KIAA0825: variants seen among roughly 807,000 people sequenced by gnomAD.
KIAA0825 encodes KIAA0825.
Under a neutral mutation model 147.6 loss-of-function variants are expected in KIAA0825, and 119 were observed. That is an observed-to-expected ratio of 0.81 (90% CI 0.69 to 0.94). The LOEUF is 0.94. KIAA0825 is among the 40% of genes least tolerant of loss of function. KIAA0825 has a pLI of 0.00. For missense variants in KIAA0825, 1,381 were observed against 1,472.7 expected (o/e 0.94, Z 1.02); for synonymous variants, 470 against 518.1 (o/e 0.91, Z 1.26).
At chr5:94,227,166 G>C (rs1774255521) in intron 20 of KIAA0825, among the ~76,000 whole-genome samples, 1 of 152,162 alleles carries the variant, frequency 6.6e-6, no homozygotes, top group South Asian at 2.1e-4. Context: ...AACAATGATA[G>C]ACTGGATCAA....
At chr5:94,426,214 C>G (rs1754862928) in intron 14 of KIAA0825, among the ~76,000 whole-genome samples, 1 of 151,554 alleles carries the variant, frequency 6.6e-6, no homozygotes, top group Non-Finnish European at 1.5e-5. Context: ...AGATATCTAC[C>G]CAAAGGAAAA....
intron 18 of KIAA0825, among the ~76,000 whole-genome samples, chr5:94,387,558 G>T (rs1443493928): frequency 6.6e-6 from 1 of 152,088 alleles, no homozygotes; most frequent in Non-Finnish European, 1.5e-5. Flanking sequence ...AGCTGAGTGT[G>T]GTGGTGGGCA....
At chr5:94,425,127 A>G (rs1363411921) in intron 14 of KIAA0825, among the ~76,000 whole-genome samples, 1 of 152,226 alleles carries the variant, frequency 6.6e-6, no homozygotes, top group Admixed American at 6.5e-5. Flanking sequence ...TTCTTAACTC[A>G]TTCTATGAGG....
intron 5 of KIAA0825, among the ~76,000 whole-genome samples, chr5:94,512,047 ATGG>A (rs1356076650): frequency 1.3e-5 from 2 of 152,066 alleles, no homozygotes; most frequent in African/African-American, 4.8e-5. Flanking sequence ...TGTGATGCTG[ATGG>A]TAGAAAATTT....
At chr5:94,606,926 G>A (rs958408278) in intron 1 of KIAA0825, among the ~76,000 whole-genome samples, 1 of 152,004 alleles carries the variant, frequency 6.6e-6, no homozygotes, top group Non-Finnish European at 1.5e-5. Flanking sequence ...AACAGGAGGA[G>A]GTACCAGTCT....
At chr5:94,466,369 G>C (rs534208228) in intron 10 of KIAA0825, among the ~76,000 whole-genome samples, 1 of 152,044 alleles carries the variant, frequency 6.6e-6, no homozygotes, top group Non-Finnish European at 1.5e-5. Flanking sequence ...TGTCAGAGTC[G>C]AGTTCAAATG....
intron 2 of KIAA0825, among the ~76,000 whole-genome samples, chr5:94,556,448 C>T (rs1027468406): frequency 6.6e-6 from 1 of 152,088 alleles, no homozygotes; most frequent in African/African-American, 2.4e-5. Context: ...TTAGCATGCA[C>T]TTTGTATCAA....
At chr5:94,378,754 T>C (rs1418722885) in intron 20 of KIAA0825, among the ~76,000 whole-genome samples, 2 of 152,214 alleles carry the variant, frequency 1.3e-5, no homozygotes, top group Non-Finnish European at 2.9e-5. Flanking sequence ...TTCTTCATAA[T>C]CTTGCCAGCA....
chr5:94,545,377 G>A (rs1161307914), intron 2 of KIAA0825, among the ~76,000 whole-genome samples: 1 of 152,076 alleles, frequency 6.6e-6, no homozygotes, highest in East Asian at 1.9e-4. Flanking sequence ...CACCAGCTGG[G>A]GCAGCTAAGG....
chr5:94,527,606 A>C (rs1408355047), intron 3 of KIAA0825, among the ~76,000 whole-genome samples: 2 of 152,054 alleles, frequency 1.3e-5, no homozygotes, highest in East Asian at 3.8e-4. Context: ...AAAAATTTTA[A>C]AACTTTTACA....
intron 5 of KIAA0825, chr5:94,519,107 G>A (rs962447019): frequency 2.4e-5 from 14 of 584,244 alleles, no homozygotes; most frequent in South Asian, 7.7e-5. Context: ...TGCCATAACC[G>A]AATTTGGCAG....
chr5:94,186,910 T>C (rs1455850211), intron 20 of KIAA0825, among the ~76,000 whole-genome samples: 2 of 152,124 alleles, frequency 1.3e-5, no homozygotes, highest in African/African-American at 4.8e-5. Context: ...GGCCAGTGTG[T>C]ATAGAACAAC....
chr5:94,406,282 A>G (rs1752053971), intron 15 of KIAA0825, among the ~76,000 whole-genome samples: 1 of 152,174 alleles, frequency 6.6e-6, no homozygotes, highest in African/African-American at 2.4e-5. Flanking sequence ...AACCTGCCCT[A>G]TTCTTATCTG....
At chr5:94,383,670 G>C (rs565032583) in intron 20 of KIAA0825, among the ~76,000 whole-genome samples, 7 of 152,096 alleles carry the variant, frequency 4.6e-5, no homozygotes, top group African/African-American at 1.7e-4. Context: ...GAAACTTTAA[G>C]TATTTAAAAA....
At chr5:94,458,662 A>G (rs1759431803) in intron 12 of KIAA0825, among the ~76,000 whole-genome samples, 1 of 152,154 alleles carries the variant, frequency 6.6e-6, no homozygotes, top group South Asian at 2.1e-4. Flanking sequence ...AGGAAGGTGG[A>G]AAAAGGGAGT....
At chr5:94,548,846 TATG>T (rs1316955934) in intron 2 of KIAA0825, among the ~76,000 whole-genome samples, 2 of 152,136 alleles carry the variant, frequency 1.3e-5, no homozygotes, top group Non-Finnish European at 2.9e-5. Context: ...GTCATTATAT[TATG>T]ATAAAGGGGT....
At chr5:94,429,350 G>A (rs925444655) in intron 14 of KIAA0825, among the ~76,000 whole-genome samples, 3 of 151,818 alleles carry the variant, frequency 2.0e-5, no homozygotes, top group Non-Finnish European at 4.4e-5. Context: ...TTTCACGCAG[G>A]TAGTATGTTT....
At chr5:94,516,015 C>G (rs1038693252) in intron 5 of KIAA0825, among the ~76,000 whole-genome samples, 1 of 152,048 alleles carries the variant, frequency 6.6e-6, no homozygotes, top group African/African-American at 2.4e-5. Context: ...AAGCATTACA[C>G]TTCTAAATGT....
At chr5:94,374,260 C>T (rs748094724) in intron 20 of KIAA0825, among the ~76,000 whole-genome samples, 2 of 152,154 alleles carry the variant, frequency 1.3e-5, no homozygotes, top group African/African-American at 2.4e-5. Context: ...TTTTGAGAAA[C>T]TTATTATACC....
Sources: allele counts gnomAD v4.1 joint callset (sites outside exome capture counted in the v4.1 genomes callset), GRCh38; gene constraint gnomAD v4.1.1; transcripts MANE v1.5; gene names NCBI Gene and HGNC (gene_info 2026-07-23, HGNC 2026-07-21).